ADAM32: variants seen among roughly 807,000 people sequenced by gnomAD.
ADAM32 encodes disintegrin and metalloproteinase domain-containing protein 32.
In ADAM32, 89 loss-of-function variants were observed where a neutral mutation model predicts 114.9. The observed-to-expected ratio is 0.77, with a 90% CI of 0.65 to 0.92. ADAM32 has a LOEUF of 0.92. Ranked by LOEUF, ADAM32 falls within the 40% of genes least tolerant of loss-of-function variation. The pLI is 0.00. For missense variants in ADAM32, 870 were observed against 932.8 expected (o/e 0.93, Z 0.88); for synonymous variants, 285 against 307.5 (o/e 0.93, Z 0.77).
intron 2 of ADAM32, 124 bp from the exon 3 acceptor site, chr8:39,136,533 T>G (rs1157332125): frequency 1.7e-6 from 1 of 602,612 alleles, no homozygotes; most frequent in Non-Finnish European, 2.8e-6. Context: ...TTAAATCACA[T>G]GTAGTCTGAG....
At chr8:39,203,368 T>A (rs1807571885) in intron 11 of ADAM32, among the ~76,000 whole-genome samples, 3 of 152,196 alleles carry the variant, frequency 2.0e-5, no homozygotes, top group Non-Finnish European at 1.5e-5. Context: ...GTTGAATTGA[T>A]CCCTTTACCA....
In ADAM32 at chr8:39,108,578, T is replaced by C. The variant is rs1044611985; in HGVS notation, c.58+745T>C. Among the ~76,000 whole-genome samples the C allele has an allele frequency of 5.3e-5, 8 of 152,126 alleles. 1 individual carries two copies. The East Asian group carries it at 1.5e-3, about 29-fold the overall frequency. ...TCTCCAAACAATGCAAATGGACCAC[T>C]GTGGAGAGGGAGGAAGTAAGACATG... is the stretch of plus-strand genomic sequence containing the variant. On this transcript the variant is annotated intron_variant, in intron 1 of 24. Coordinates refer to ENST00000379907, the MANE Select transcript of ADAM32 (RefSeq NM_145004.7).
intron 23 of ADAM32, 82 bp downstream of exon 23, chr8:39,281,256 C>A: frequency 1.2e-6 from 1 of 836,178 alleles, no homozygotes. Flanking sequence ...CAAATAATTG[C>A]TCAACATTTT....
intron 10 of ADAM32, among the ~76,000 whole-genome samples, chr8:39,182,523 G>A (rs1805966388): frequency 6.6e-6 from 1 of 152,092 alleles, no homozygotes. Context: ...CATTTTTACG[G>A]TGAGAATGCT....
At chr8:39,284,771 G>GT (rs781722849) in intron 24 of ADAM32, 22 bp from the exon 25 acceptor site, 1 of 1,613,266 alleles carries the variant, frequency 6.2e-7, no homozygotes, top group Admixed American at 1.7e-5. Flanking sequence ...TTGAGCACGT[G>GT]TTTTTTTGTT....
chr8:39,256,740 T>G (rs866775776), intron 18 of ADAM32, among the ~76,000 whole-genome samples: 1 of 152,118 alleles, frequency 6.6e-6, no homozygotes, highest in African/African-American at 2.4e-5. Flanking sequence ...TTTAGTAGTA[T>G]TGCAATGACC....
At chr8:39,170,396 A>G (rs1044702194) in intron 10 of ADAM32, among the ~76,000 whole-genome samples, 7 of 152,144 alleles carry the variant, frequency 4.6e-5, no homozygotes, top group African/African-American at 1.4e-4. Flanking sequence ...AAGATGTTTC[A>G]GAACTCTGAA....
intron 11 of ADAM32, among the ~76,000 whole-genome samples, chr8:39,195,618 G>A (rs1585510652): frequency 6.6e-6 from 1 of 152,248 alleles, no homozygotes; most frequent in Non-Finnish European, 1.5e-5. Context: ...GTTAGAGATA[G>A]GGCCCTAGTT....
intron 16 of ADAM32, among the ~76,000 whole-genome samples, chr8:39,237,478 C>T (rs1353412904): frequency 6.6e-6 from 1 of 152,066 alleles, no homozygotes; most frequent in Non-Finnish European, 1.5e-5. Flanking sequence ...TAGCCTGGAG[C>T]AAGATCTCAG....
chr8:39,283,690 C>A lies in ADAM32; in HGVS notation c.2357+66C>A, dbSNP rs1347079731. On this transcript the variant is annotated intron_variant, in intron 24 of 24. Transcript: ENST00000379907. The stretch of plus-strand genomic sequence containing the variant: ...ATAAAATTAAAATAAAACTCATAAT[C>A]CACTATTAATTCCTAAGTATGGACT... 3.0e-6 allele frequency: 4 copies of A among 1,341,764 alleles called. No homozygotes were observed. In the East Asian group the frequency reaches 1.0e-4, roughly 34 times the overall value. The allele number at this position is 1,341,764 out of a possible 1,614,324, so 83.1% of individuals were successfully genotyped here. A position where few individuals can be genotyped will look rare whatever the true frequency, so the allele number is the denominator to read the frequency against.
chr8:39,203,884 C>T (rs1435765668), intron 11 of ADAM32, among the ~76,000 whole-genome samples: 1 of 152,124 alleles, frequency 6.6e-6, no homozygotes. Flanking sequence ...TTCTCCTTCA[C>T]TTATGAAGCT....
rs552485521 is a variant in ADAM32, at chr8:39,203,425, G to T, written c.1053-7719G>T. Reference sequence around the variant, plus strand: ...CTCTTTTGATCTTTGTTGGTTTAAAGTCTGTTTATCAGAGACTAGGATCGC... The same window carrying T: ...CTCTTTTGATCTTTGTTGGTTTAAATTCTGTTTATCAGAGACTAGGATCGC... On this transcript the variant is annotated intron_variant, in intron 11 of 24. Coordinates refer to ENST00000379907, the MANE Select transcript of ADAM32 (RefSeq NM_145004.7). Among the ~76,000 whole-genome samples, 255 of 152,228 alleles carry T rather than the reference G, an allele frequency of 1.7e-3. 1 individual carries two copies. Among genetic ancestry groups the T allele is most frequent in the Middle Eastern group, 3.4e-3 (1 of 294 alleles).
intron 1 of ADAM32, among the ~76,000 whole-genome samples, chr8:39,116,516 T>C (rs1308017009): frequency 2.0e-5 from 3 of 152,164 alleles, no homozygotes; most frequent in Non-Finnish European, 4.4e-5. Flanking sequence ...TGGGATCCTG[T>C]TCTTATTTTG....
chr8:39,281,258 C>A, intron 23 of ADAM32, 84 bp downstream of exon 23: 1 of 820,426 alleles, frequency 1.2e-6, no homozygotes, highest in Non-Finnish European at 1.7e-6. Flanking sequence ...AATAATTGCT[C>A]AACATTTTTT....
At chr8:39,221,443 T>C in intron 12 of ADAM32, 167 bp from the exon 13 acceptor site, 1 of 575,884 alleles carries the variant, frequency 1.7e-6, no homozygotes, top group Non-Finnish European at 3.1e-6. Context: ...GTAGTAAAAG[T>C]CCTACATTAG....
At chr8:39,172,128 A>G (rs1172715224) in intron 10 of ADAM32, among the ~76,000 whole-genome samples, 3 of 152,232 alleles carry the variant, frequency 2.0e-5, no homozygotes, top group South Asian at 4.1e-4. Context: ...CATTTTAGGC[A>G]TCAGAATCTA....
At chr8:39,163,899 A>G (rs1178143000) in intron 7 of ADAM32, among the ~76,000 whole-genome samples, 1 of 152,224 alleles carries the variant, frequency 6.6e-6, no homozygotes, top group Non-Finnish European at 1.5e-5. Context: ...AAGGTGATGT[A>G]CTATAGAGAG....
intron 1 of ADAM32, among the ~76,000 whole-genome samples, chr8:39,115,356 T>C (rs927054446): frequency 1.3e-5 from 2 of 152,308 alleles, no homozygotes; most frequent in Non-Finnish European, 2.9e-5. Context: ...TCCACAGTGG[T>C]TGAACTAACT....
At chr8:39,107,695 C>CCCCGGCGTCCGCGCGT, upstream of ADAM32, 1 of 1,544,542 alleles carries the variant, frequency 6.5e-7, no homozygotes, top group Non-Finnish European at 8.7e-7. Context: ...GGGGAGCGGC[C>CCCCGGCGTCCGCGCGT]CCCGGCGTCC....
Sources: allele counts gnomAD v4.1 joint callset (sites outside exome capture counted in the v4.1 genomes callset), GRCh38; gene constraint gnomAD v4.1.1; transcripts MANE v1.5; gene names NCBI Gene and HGNC (gene_info 2026-07-23, HGNC 2026-07-21).